The following USP13 variants were observed in gnomAD, a reference collection of about 807,000 sequenced individuals.
The protein encoded by USP13 is ubiquitin carboxyl-terminal hydrolase 13.
A neutral mutation model predicts 107.8 loss-of-function variants in USP13; 68 were observed. That is an observed-to-expected ratio of 0.63 (90% CI 0.52 to 0.77). The LOEUF (loss-of-function observed/expected upper bound fraction) is 0.77, where lower values mean the gene tolerates loss of function less well. USP13 is among the 30% of genes least tolerant of loss of function. The probability of loss-of-function intolerance (pLI) is 0.00; values close to 1 mark genes in which losing one functional copy is unlikely to be tolerated. For missense variants in USP13, 945 were observed against 1,093.3 expected (o/e 0.86, Z 1.91); for synonymous variants, 377 against 389.5 (o/e 0.97, Z 0.38).
At chr3:179,724,123 G>A (rs1713427915) in intron 8 of USP13, among the ~76,000 whole-genome samples, 2 of 151,904 alleles carry the variant, frequency 1.3e-5, no homozygotes, top group African/African-American at 2.4e-5. Flanking sequence ...TTGTGCCACC[G>A]TACTCAGGCT....
chr3:179,692,816 A>G (rs1712156224), intron 3 of USP13, among the ~76,000 whole-genome samples: 1 of 152,096 alleles, frequency 6.6e-6, no homozygotes, highest in South Asian at 2.1e-4. Context: ...GTTGTAGAGG[A>G]TATTGTCAGG....
intron 13 of USP13, among the ~76,000 whole-genome samples, chr3:179,751,941 C>G (rs1194201519): frequency 6.6e-6 from 1 of 152,156 alleles, no homozygotes; most frequent in African/African-American, 2.4e-5. Context: ...CGGGGTTTCA[C>G]CATGTTGGCC....
intron 1 of USP13, among the ~76,000 whole-genome samples, chr3:179,662,110 T>C (rs1343480036): frequency 2.0e-5 from 3 of 152,244 alleles, no homozygotes; most frequent in Admixed American, 6.5e-5. Context: ...CTGTAATACC[T>C]GAATAGCATC....
At position 179,754,717 on chromosome 3, in the gene USP13, T is replaced by C; in HGVS notation, c.1799-15T>C. ...TATGGAGAGCCCAGTGGATATAATC[T>C]CTCTCATTTTGCAGATGTTTCTATT... On this transcript the variant is annotated splice_polypyrimidine_tract_variant and intron_variant, in intron 14 of 20. Coordinates refer to ENST00000263966, the MANE Select transcript of USP13 (RefSeq NM_003940.3). 3 of 1,611,180 alleles carry C rather than the reference T, an allele frequency of 1.9e-6. No homozygotes were observed. The highest frequency in any genetic ancestry group is 2.5e-6 in the Non-Finnish European group (3 of 1,178,780).
intron 3 of USP13, among the ~76,000 whole-genome samples, chr3:179,690,978 G>A (rs1225338262): frequency 1.3e-5 from 2 of 151,754 alleles, no homozygotes; most frequent in Non-Finnish European, 2.9e-5. Flanking sequence ...GATCAGCCTG[G>A]GTAACATAAA....
At chr3:179,661,836 T>G (rs1720465980) in intron 1 of USP13, among the ~76,000 whole-genome samples, 1 of 152,206 alleles carries the variant, frequency 6.6e-6, no homozygotes, top group South Asian at 2.1e-4. Context: ...GTAAGAGATT[T>G]AGAAGGCAAA....
In USP13 at chr3:179,742,420, T is replaced by C; in HGVS notation, c.1534+70T>C. The C allele has an allele frequency of 1.9e-6, 3 of 1,587,354 alleles. No homozygotes were observed. The highest frequency in any genetic ancestry group is 2.6e-6 in the Non-Finnish European group (3 of 1,162,702). On this transcript the variant is annotated intron_variant, in intron 12 of 20. Transcript: ENST00000263966. This position sits in a 1 kb window ranked among gnomAD's most constrained non-coding sequence, Gnocchi z 5.0. ...GGGAAAACCCTCAAATCAGAGAGAA[T>C]GGTTTAGTCACTGAAGTGTGTCAGG...
rs976069309 is a variant in USP13, at chr3:179,760,908, A to C, written c.1949-204A>C. Among the ~76,000 whole-genome samples, 6 of 152,332 alleles carry C rather than the reference A, an allele frequency of 3.9e-5. No homozygotes were observed. The East Asian group carries it at 5.8e-4, about 15-fold the overall frequency. Reference sequence around the variant, plus strand: ...TGTCCAGGTAATTAACCTGGTTCCTATGTGGGTCAAAGATATAAACTTAGC... The same window carrying C: ...TGTCCAGGTAATTAACCTGGTTCCTCTGTGGGTCAAAGATATAAACTTAGC... On this transcript the variant is annotated intron_variant, in intron 16 of 20. Transcript: ENST00000263966.
chr3:179,760,997 A>G, intron 16 of USP13, 115 bp from the exon 17 acceptor site: 1 of 1,294,844 alleles, frequency 7.7e-7, no homozygotes, highest in Admixed American at 2.1e-5. Flanking sequence ...CATTATCTAC[A>G]CCCAACAGAA....
At chr3:179,695,766 C>T (rs9810165) in intron 3 of USP13, among the ~76,000 whole-genome samples, 27,080 of 151,970 alleles carry the variant, frequency 0.18, 2,622 homozygotes, top group Non-Finnish European at 0.2. Context: ...TCTGTGTGTA[C>T]ATCTTTGTAT....
intron 8 of USP13, among the ~76,000 whole-genome samples, chr3:179,723,810 ACT>A (rs1190948255): frequency 2.6e-5 from 4 of 152,076 alleles, no homozygotes; most frequent in Non-Finnish European, 5.9e-5. Context: ...AGCAGGTCTA[ACT>A]CAGTGGAGTT....
chr3:179,754,796 A>G lies in USP13; in HGVS notation c.1863A>G (p.Pro621=). The G allele has an allele frequency of 6.2e-7, 1 of 1,613,430 alleles. No individual in the cohort carries two copies. The highest frequency in any genetic ancestry group is 8.5e-7 in the Non-Finnish European group (1 of 1,179,762). The change falls in exon 15 of 21, where the codon CCA becomes CCG. Residue 621 remains proline, a synonymous_variant. Coordinates refer to ENST00000263966, the MANE Select transcript of USP13 (RefSeq NM_003940.3). The part of the protein sequence containing the change: ...INHLRARGLQ[P]GEEELPDISP... ...ATCTCCGAGCCAGGGGGTTACAGCC[A>G]GGAGAGGAAGAACTTCCAGACATCA...
intron 16 of USP13, among the ~76,000 whole-genome samples, chr3:179,760,563 G>A (rs993136097): frequency 3.3e-5 from 5 of 152,142 alleles, no homozygotes; most frequent in Admixed American, 6.5e-5. Flanking sequence ...GATTACAGGC[G>A]TGAGCCACCA....
chr3:179,719,257 T>C (rs930565218), intron 6 of USP13, among the ~76,000 whole-genome samples: 1 of 152,106 alleles, frequency 6.6e-6, no homozygotes, highest in Non-Finnish European at 1.5e-5. Flanking sequence ...GGCTGGAGTC[T>C]TGAGTATCCC....
intron 4 of USP13, among the ~76,000 whole-genome samples, chr3:179,701,774 C>T (rs1712532929): frequency 6.6e-6 from 1 of 152,046 alleles, no homozygotes; most frequent in African/African-American, 2.4e-5. Context: ...TCTTTTCTTC[C>T]TTTTCCTTTC....
rs889558852 is a variant in USP13 at position 179,765,789 on chromosome 3, A to G, written c.2354A>G (p.Asn785Ser). The part of the protein sequence containing the change: ...DFVIEMENNA[N>S]ANIISEAKPE... ...GTGATTGAGATGGAGAATAATGCCA[A>G]TGCAAACATTATTTCTGAGGCCAAG... Residue 785 changes from asparagine to serine, a missense_variant, in exon 19 of 21, where the codon AAT (asparagine) becomes AGT (serine). Physicochemically the swap from Asn to Ser is conservative, Grantham distance 46. Coordinates refer to ENST00000263966, the MANE Select transcript of USP13 (RefSeq NM_003940.3). 8.1e-6 allele frequency: 13 copies of G among 1,614,206 alleles called. No homozygotes were observed. Among genetic ancestry groups the G allele is most frequent in the Middle Eastern group, 1.6e-4 (1 of 6,062 alleles).
chr3:179,696,888 A>C (rs1028779174), intron 3 of USP13, among the ~76,000 whole-genome samples: 1 of 151,994 alleles, frequency 6.6e-6, no homozygotes, highest in African/African-American at 2.4e-5. Context: ...CCCTAATTCC[A>C]TATATATATA....
intron 2 of USP13, among the ~76,000 whole-genome samples, chr3:179,684,486 T>A (rs1460592248): frequency 6.6e-6 from 1 of 152,018 alleles, no homozygotes; most frequent in Non-Finnish European, 1.5e-5. Flanking sequence ...AATTTCTGTA[T>A]TTTTTGTAGA....
At chr3:179,682,455 C>T (rs897420738) in intron 2 of USP13, among the ~76,000 whole-genome samples, 3 of 152,108 alleles carry the variant, frequency 2.0e-5, no homozygotes, top group Admixed American at 6.6e-5. Context: ...TGAACTTTTT[C>T]TGTGTCATGC....
Sources: allele counts gnomAD v4.1 joint callset (sites outside exome capture counted in the v4.1 genomes callset), GRCh38; gene constraint gnomAD v4.1.1; non-coding constraint Gnocchi (gnomAD v3.1); transcripts MANE v1.5; gene names NCBI Gene and HGNC (gene_info 2026-07-23, HGNC 2026-07-21).